The following CASS4 variants were observed in gnomAD, a reference collection of about 807,000 sequenced individuals.
CASS4 encodes Cas scaffold protein family member 4, also known as cas scaffolding protein family member 4.
Under a neutral mutation model 54.2 loss-of-function variants are expected in CASS4, and 22 were observed. That is an observed-to-expected ratio of 0.41 (90% confidence interval 0.29 to 0.58). The LOEUF (loss-of-function observed/expected upper bound fraction) is 0.58, where lower values mean the gene tolerates loss of function less well. CASS4 is among the 20% of genes least tolerant of loss of function. CASS4 has a pLI of 0.36. For synonymous variants in CASS4, 409 were observed against 391.5 expected, an observed-to-expected ratio of 1.04 and a Z score of -0.53; for missense variants, 854 against 986.7, an observed-to-expected ratio of 0.87 and a Z score of 1.80.
chr20:56,423,362 A>G (rs1026052380), intron 1 of CASS4, among the ~76,000 whole-genome samples: 7 of 152,176 alleles, frequency 4.6e-5, no homozygotes, highest in South Asian at 2.1e-4. Flanking sequence ...GTTATTTCCA[A>G]TGCTCCCCAC....
intron 2 of CASS4, among the ~76,000 whole-genome samples, chr20:56,444,482 C>T (rs998004978): frequency 6.6e-6 from 1 of 152,174 alleles, no homozygotes; most frequent in Admixed American, 6.5e-5. Flanking sequence ...GACCTCATTT[C>T]CCTCTTAGAC....
At position 56,460,108 on chromosome 20, in the gene CASS4, A is replaced by G. The variant is rs1456611757; in HGVS notation, c.*1361A>G. 2.0e-5 allele frequency: 3 copies of G among 152,530 alleles called. No homozygotes were observed. The allele number at this position is 152,530 out of a possible 1,614,324, so 9.4% of individuals were successfully genotyped here. The stretch of plus-strand genomic sequence containing the variant: ...GTATGTGTCTTGCACCCATAAATAT[A>G]TATTTTTGCTATGTTACTTTAACCT... On this transcript the variant is annotated 3_prime_UTR_variant, in exon 6 of 6. Transcript: ENST00000679887.
intron 2 of CASS4, among the ~76,000 whole-genome samples, chr20:56,438,053 G>A (rs1344149592): frequency 1.3e-5 from 2 of 152,148 alleles, no homozygotes; most frequent in South Asian, 2.1e-4. Context: ...ACTCTGGGGG[G>A]ACGAGACAGG....
chr20:56,418,413 G>A lies in CASS4; in HGVS notation c.36+5919G>A, dbSNP rs534444042. 2.6e-5 allele frequency among the ~76,000 whole-genome samples: 4 copies of A among 152,308 alleles called. No individual in the cohort carries two copies. The South Asian group carries it at 6.2e-4, about 24-fold the overall frequency. On this transcript the variant is annotated intron_variant, in intron 1 of 5. Coordinates refer to ENST00000679887, the MANE Select transcript of CASS4 (RefSeq NM_020356.4). Reference sequence around the variant, plus strand: ...AGGATAACATAGGGCCTGGTCGGCCGTGTAAGAGCTTTGAAGCCATTCTAA... The same window carrying A: ...AGGATAACATAGGGCCTGGTCGGCCATGTAAGAGCTTTGAAGCCATTCTAA...
intron 1 of CASS4, among the ~76,000 whole-genome samples, chr20:56,426,451 G>A (rs1294505720): frequency 6.6e-6 from 1 of 152,190 alleles, no homozygotes; most frequent in Non-Finnish European, 1.5e-5. Context: ...GTTAGAGTGC[G>A]ACAGACACTC....
chr20:56,444,693 A>G (rs1163755243), intron 2 of CASS4, among the ~76,000 whole-genome samples: 1 of 152,218 alleles, frequency 6.6e-6, no homozygotes, highest in Non-Finnish European at 1.5e-5. Flanking sequence ...CCATTGAGCC[A>G]ACATCATTGA....
chr20:56,448,226 G>T (rs1980822746), intron 3 of CASS4, among the ~76,000 whole-genome samples: 1 of 151,602 alleles, frequency 6.6e-6, no homozygotes, highest in Non-Finnish European at 1.5e-5. Context: ...AGCCCCACTA[G>T]ACCCTGTCTT....
intron 1 of CASS4, among the ~76,000 whole-genome samples, chr20:56,433,303 G>A (rs2146277090): frequency 6.6e-6 from 1 of 152,310 alleles, no homozygotes; most frequent in South Asian, 2.1e-4. Context: ...ATTTCACTGG[G>A]TGGAAAGCTG....
intron 1 of CASS4, among the ~76,000 whole-genome samples, chr20:56,418,687 G>A (rs1353500960): frequency 2.6e-5 from 4 of 152,216 alleles, no homozygotes; most frequent in Admixed American, 6.5e-5. Flanking sequence ...GTTTGAGACC[G>A]CTGGTCGCCG....
intron 2 of CASS4, among the ~76,000 whole-genome samples, chr20:56,444,975 AG>A (rs1229903042): frequency 1.3e-5 from 2 of 152,086 alleles, no homozygotes. Context: ...CCTGGCATGG[AG>A]GCATGTGCCT....
chr20:56,453,088 T>C lies in CASS4; in HGVS notation c.1912T>C (p.Ser638Pro). 1 of 1,613,992 alleles carries C rather than the reference T, an allele frequency of 6.2e-7. No individual in the cohort carries two copies. Among genetic ancestry groups the C allele is most frequent in the Admixed American group, 1.7e-5 (1 of 60,010 alleles). Residue 638 changes from serine to proline, a missense_variant, in exon 5 of 6, where the codon TCT (serine) becomes CCT (proline). Coordinates refer to ENST00000679887, the MANE Select transcript of CASS4 (RefSeq NM_020356.4). ...STKQREDEHS[S>P]ELLKKNRANI... Reference sequence around the variant, plus strand: ...TAAGCAAAGGGAAGATGAACACTCTTCTGAACTATTAAAGAAAAATAGGGC... The same window carrying C: ...TAAGCAAAGGGAAGATGAACACTCTCCTGAACTATTAAAGAAAAATAGGGC...
At chr20:56,441,610 A>T (rs117641527) in intron 2 of CASS4, among the ~76,000 whole-genome samples, 10,018 of 151,950 alleles carry the variant, frequency 0.066, 450 homozygotes, top group Non-Finnish European at 0.096. Flanking sequence ...CGTCTCAAAA[A>T]AATAATAATA....
At chr20:56,443,510 G>A (rs1206716012) in intron 2 of CASS4, among the ~76,000 whole-genome samples, 1 of 146,200 alleles carries the variant, frequency 6.8e-6, no homozygotes, top group Admixed American at 6.8e-5. Flanking sequence ...AAATGCAATG[G>A]GAAACCACTG....
chr20:56,444,505 G>A (rs1202849662), intron 2 of CASS4, among the ~76,000 whole-genome samples: 1 of 152,044 alleles, frequency 6.6e-6, no homozygotes, highest in East Asian at 1.9e-4. Context: ...TAAGCCCGTG[G>A]TAGACAGCAT....
intron 1 of CASS4, among the ~76,000 whole-genome samples, chr20:56,418,206 A>C (rs961107012): frequency 3.3e-5 from 5 of 152,174 alleles, no homozygotes; most frequent in Non-Finnish European, 5.9e-5. Context: ...CGATGGATGG[A>C]AAAGGCCACT....
Position 56,448,517 on chromosome 20 carries a change from A to G in CASS4, c.562-2082A>G, listed in dbSNP as rs546581697. Among the ~76,000 whole-genome samples the G allele has an allele frequency of 1.8e-4, 28 of 152,150 alleles. 1 individual carries two copies. The East Asian group carries it at 5.2e-3, about 28-fold the overall frequency. ...CAGGGGATACAACTCAAGTCATTGAATGGTCCCATGGGAACACTTGATGGT... is the reference window on the plus strand; with the variant it reads ...CAGGGGATACAACTCAAGTCATTGAGTGGTCCCATGGGAACACTTGATGGT... On this transcript the variant is annotated intron_variant, in intron 3 of 5. Transcript: ENST00000679887.
At chr20:56,422,077 G>C (rs77443343) in intron 1 of CASS4, among the ~76,000 whole-genome samples, 195 of 152,290 alleles carry the variant, frequency 1.3e-3, no homozygotes, top group African/African-American at 4.5e-3. Flanking sequence ...CTCCTCCTTC[G>C]GTGGGTTTTT....
chr20:56,425,545 CCTGCATGTGGCAAA>C (rs879587584), intron 1 of CASS4, among the ~76,000 whole-genome samples: 1 of 152,182 alleles, frequency 6.6e-6, no homozygotes, highest in Non-Finnish European at 1.5e-5. Context: ...AAGAAGTCTT[CCTGCATGTGGCAAA>C]CTGCTTTTGG....
chr20:56,412,602 G>A lies in CASS4; in HGVS notation c.36+108G>A. 1 of 1,143,184 alleles carries A rather than the reference G, an allele frequency of 8.7e-7. No individual in the cohort carries two copies. The highest frequency in any genetic ancestry group is 2.6e-5 in the East Asian group (1 of 38,326). 70.8% of individuals were successfully genotyped at this position (1,143,184 alleles called of 1,614,324 possible). The stretch of plus-strand genomic sequence containing the variant: ...ACTTTCTAATAAAGGTTGAATACCA[G>A]TGACGTGTGAGTTGGAGATGGGAAA... On this transcript the variant is annotated intron_variant, in intron 1 of 5. Coordinates refer to ENST00000679887, the MANE Select transcript of CASS4 (RefSeq NM_020356.4). The surrounding 1 kb of genome is among the most constrained non-coding windows in gnomAD (Gnocchi z 4.2).
Sources: allele counts gnomAD v4.1 joint callset (sites outside exome capture counted in the v4.1 genomes callset), GRCh38; gene constraint gnomAD v4.1.1; non-coding constraint Gnocchi (gnomAD v3.1); transcripts MANE v1.5; gene names NCBI Gene and HGNC (gene_info 2026-07-23, HGNC 2026-07-21).